The following ATE1 variants were observed in gnomAD, a reference collection of about 807,000 sequenced individuals.
ATE1 encodes the protein arginyltransferase 1.
ATE1 carries 36 observed loss-of-function variants against 70.5 expected under a neutral mutation model. That is an observed-to-expected ratio of 0.51 (90% CI 0.39 to 0.67). The LOEUF (loss-of-function observed/expected upper bound fraction) is 0.67, where lower values mean the gene tolerates loss of function less well. ATE1 is among the 30% of genes least tolerant of loss of function. The probability of loss-of-function intolerance (pLI) is 0.00; values close to 1 mark genes in which losing one functional copy is unlikely to be tolerated. For missense variants in ATE1, 593 were observed against 629.5 expected (o/e 0.94, Z 0.62); for synonymous variants, 232 against 219.3 (o/e 1.06, Z -0.51).
intron 8 of ATE1, among the ~76,000 whole-genome samples, chr10:121,845,123 C>G (rs1332128886): frequency 1.3e-5 from 2 of 152,080 alleles, no homozygotes; most frequent in Admixed American, 1.3e-4. Context: ...AAATTTTGTG[C>G]AAGTGACTTT....
At chr10:121,774,973 G>T (rs1163572874) in intron 11 of ATE1, among the ~76,000 whole-genome samples, 1 of 152,198 alleles carries the variant, frequency 6.6e-6, no homozygotes, top group Admixed American at 6.5e-5. Flanking sequence ...ATACAAGCCT[G>T]TAAGGTCACA....
At chr10:121,922,632 G>A (rs569577161) in intron 2 of ATE1, among the ~76,000 whole-genome samples, 4 of 152,082 alleles carry the variant, frequency 2.6e-5, no homozygotes, top group African/African-American at 9.6e-5. Flanking sequence ...TGTACCCCAC[G>A]GCCAATCATC....
intron 5 of ATE1, among the ~76,000 whole-genome samples, chr10:121,910,546 AATAACT>A (rs1951380209): frequency 6.6e-6 from 1 of 152,192 alleles, no homozygotes; most frequent in Non-Finnish European, 1.5e-5. Flanking sequence ...TTTTGGACAT[AATAACT>A]ATAATTCATG....
chr10:121,864,139 G>T lies in ATE1; in HGVS notation c.975+5867C>A, dbSNP rs548970302. On this transcript the variant is annotated intron_variant, in intron 8 of 11. Transcript: ENST00000224652. ...AAATTTAAAATTCAGTTCCCAAAGAGCTCATTAGCTAATGTATGACAGCAG... is the reference window on the plus strand; with the variant it reads ...AAATTTAAAATTCAGTTCCCAAAGATCTCATTAGCTAATGTATGACAGCAG... Among the ~76,000 whole-genome samples the T allele has an allele frequency of 2.0e-5, 3 of 152,296 alleles. No individual in the cohort carries two copies. The South Asian group carries it at 6.2e-4, about 32-fold the overall frequency.
intron 11 of ATE1, among the ~76,000 whole-genome samples, chr10:121,787,681 A>G (rs909289546): frequency 6.6e-6 from 1 of 152,238 alleles, no homozygotes; most frequent in Non-Finnish European, 1.5e-5. Context: ...AGTTACAGGA[A>G]AAGAACATAC....
At chr10:121,927,698 C>T (rs1247915283) in intron 1 of ATE1, 146 bp downstream of exon 1, 1 of 1,329,958 alleles carries the variant, frequency 7.5e-7, no homozygotes. Context: ...TAAGCCGGCG[C>T]CGCGGCCCTC....
At chr10:121,819,167 G>T (rs1231741906) in intron 10 of ATE1, among the ~76,000 whole-genome samples, 1 of 152,134 alleles carries the variant, frequency 6.6e-6, no homozygotes, top group Non-Finnish European at 1.5e-5. Flanking sequence ...CTTAAAAGTT[G>T]AATGAAGTAT....
intron 11 of ATE1, among the ~76,000 whole-genome samples, chr10:121,749,172 A>AT (rs1216989406): frequency 6.6e-6 from 1 of 152,174 alleles, no homozygotes; most frequent in African/African-American, 2.4e-5. Context: ...CCCTGGGTTA[A>AT]TGTTCATAAT....
intron 10 of ATE1, among the ~76,000 whole-genome samples, chr10:121,825,433 T>A (rs1947969761): frequency 6.6e-6 from 1 of 152,228 alleles, no homozygotes; most frequent in African/African-American, 2.4e-5. Flanking sequence ...ATGTTCACAC[T>A]CTGCAGGACC....
At chr10:121,770,139 G>A (rs7898371) in intron 11 of ATE1, among the ~76,000 whole-genome samples, 1 of 151,248 alleles carries the variant, frequency 6.6e-6, no homozygotes, top group Non-Finnish European at 1.5e-5. Context: ...GCTAAACGAA[G>A]TATAACATAT....
chr10:121,843,275 C>A (rs535772578), intron 8 of ATE1, among the ~76,000 whole-genome samples: 1 of 151,932 alleles, frequency 6.6e-6, no homozygotes, highest in African/African-American at 2.4e-5. Context: ...TACAAAACTC[C>A]GACAAAAGGA....
chr10:121,790,780 T>C (rs529312696), intron 10 of ATE1, among the ~76,000 whole-genome samples: 20 of 152,302 alleles, frequency 1.3e-4, no homozygotes, highest in South Asian at 4.1e-4. Context: ...TCTAATGTAG[T>C]AGAAAGTACT....
chr10:121,827,279 T>G (rs1014850353), intron 10 of ATE1, among the ~76,000 whole-genome samples: 1 of 152,176 alleles, frequency 6.6e-6, no homozygotes, highest in African/African-American at 2.4e-5. Context: ...CCCAAAGTGC[T>G]GGAATTACAG....
chr10:121,779,436 G>T lies in ATE1; in HGVS notation c.1378+10733C>A, dbSNP rs80305732. ...ACCTGCTTCAATGGAAAGAGAAAAG[G>T]CATCAAGTGAGAAAGTGCTCAACCT... On this transcript the variant is annotated intron_variant, in intron 11 of 11. Coordinates refer to ENST00000224652, the MANE Select transcript of ATE1 (RefSeq NM_001001976.3). Among the ~76,000 whole-genome samples, 40 of 152,208 alleles carry T rather than the reference G, an allele frequency of 2.6e-4. 1 individual carries two copies. The East Asian group carries it at 7.7e-3, about 29-fold the overall frequency.
intron 7 of ATE1, among the ~76,000 whole-genome samples, chr10:121,894,630 G>C (rs1431690912): frequency 6.6e-6 from 1 of 151,814 alleles, no homozygotes; most frequent in Non-Finnish European, 1.5e-5. Context: ...CCGGGTGTGG[G>C]AGCTCACGCC....
Position 121,767,242 on chromosome 10 carries a change from T to A in ATE1, c.1378+22927A>T, listed in dbSNP as rs182714405. 5.3e-5 allele frequency among the ~76,000 whole-genome samples: 8 copies of A among 152,188 alleles called. No individual in the cohort carries two copies. In the East Asian group the frequency reaches 1.3e-3, roughly 26 times the overall value. ...AGAAAACGAGGAGTGGAGGGGAACG[T>A]CTTCAACTTGATAAAAAAACATCTA... is the stretch of plus-strand genomic sequence containing the variant. On this transcript the variant is annotated intron_variant, in intron 11 of 11. Transcript: ENST00000224652.
rs570346483 is a variant in ATE1 at position 121,841,082 on chromosome 10, C to A, written c.1157G>T (p.Arg386Leu). Residue 386 changes from arginine to leucine, a missense_variant and splice_region_variant, in exon 9 of 12, where the codon CGA becomes CTA. By Grantham distance (102) the Arg-to-Leu change is moderately radical (BLOSUM62 -2). Transcript: ENST00000224652. ...CAATAACGGCAAAAAGCAATCTTAC[C>A]GTAGTGCAGAGTAGACGCCCAAAGA... The part of the protein sequence containing the change: ...FLSLGVYSAL[R>L]EIAFTRQLHE... 3 of 1,529,686 alleles carry A rather than the reference C, an allele frequency of 2.0e-6. No homozygotes were observed. Among genetic ancestry groups the A allele is most frequent in the East Asian group, 4.7e-5 (2 of 42,458 alleles). The allele number at this position is 1,529,686 out of a possible 1,614,324, so 94.8% of individuals were successfully genotyped here. A position where few individuals can be genotyped will look rare whatever the true frequency, so the allele number is the denominator to read the frequency against.
intron 10 of ATE1, 50 bp from the exon 11 acceptor site, chr10:121,790,339 C>A (rs1946384657): frequency 1.9e-6 from 3 of 1,597,238 alleles, no homozygotes; most frequent in East Asian, 4.5e-5. Context: ...CACAGCAATG[C>A]CAGAGATAAA....
chr10:121,898,453 T>G lies in ATE1; in HGVS notation c.942+1413A>C, dbSNP rs529751015. 2.0e-5 allele frequency among the ~76,000 whole-genome samples: 3 copies of G among 152,342 alleles called. No homozygotes were observed. The South Asian group carries it at 6.2e-4, about 32-fold the overall frequency. On this transcript the variant is annotated intron_variant, in intron 7 of 11. Coordinates refer to ENST00000224652, the MANE Select transcript of ATE1 (RefSeq NM_001001976.3). ...GTTAGGTGTAGGTATTTCTTTCTAATTCACTTGTTGTTAAGGTATTTTTGC... is the reference window on the plus strand; with the variant it reads ...GTTAGGTGTAGGTATTTCTTTCTAAGTCACTTGTTGTTAAGGTATTTTTGC...
Sources: gnomAD v4.1 joint callset for allele counts (sites outside exome capture counted in the v4.1 genomes callset) on GRCh38, gnomAD v4.1.1 for gene constraint, MANE v1.5 for transcripts, NCBI Gene and HGNC (gene_info 2026-07-23, HGNC 2026-07-21) for gene names.